Variants in HNRNPH1 observed in about 807,000 individuals in gnomAD.
HNRNPH1 encodes the protein heterogeneous nuclear ribonucleoprotein H1.
In HNRNPH1, 4 loss-of-function variants were observed where a neutral mutation model predicts 58.6. The observed-to-expected ratio is 0.07, with a 90% CI of 0.03 to 0.16. The LOEUF (loss-of-function observed/expected upper bound fraction) is 0.16, where lower values mean the gene tolerates loss of function less well. HNRNPH1 is among the 10% of genes least tolerant of loss of function. The probability of loss-of-function intolerance (pLI) is 1.00; values close to 1 mark genes in which losing one functional copy is unlikely to be tolerated. For synonymous variants in HNRNPH1, 192 were observed against 189.2 expected (o/e 1.01, Z -0.12); for missense variants, 271 against 564.2 (o/e 0.48, Z 5.26).
chr5:179,619,039 G>C lies in HNRNPH1; in HGVS notation c.536+230C>G. On this transcript the variant is annotated intron_variant, in intron 4 of 12. Transcript: ENST00000356731. ...ATAGTCTCTCAACTCTATTGATTGG[G>C]GTTAATAAGACTCACAAAATTGTCA... The C allele has an allele frequency of 8.1e-6, 3 of 369,886 alleles. No individual in the cohort carries two copies. In the East Asian group the frequency reaches 1.4e-4, roughly 18 times the overall value. The allele number at this position is 369,886 out of a possible 1,614,324, so 22.9% of individuals were successfully genotyped here. A position where few individuals can be genotyped will look rare whatever the true frequency, so the allele number is the denominator to read the frequency against.
Position 179,633,105 on chromosome 5 carries a change from C to T in HNRNPH1, c.-32+960G>A, listed in dbSNP as rs892644675. On this transcript the variant is annotated intron_variant, in intron 2 of 4. Coordinates refer to the HNRNPH1 transcript ENST00000521116. ...ATCTCTTGACCTCGTGATCCACCTG[C>T]CTCAGCCTCCCAAAGTGCTGGGATT... 2.0e-5 allele frequency among the ~76,000 whole-genome samples: 3 copies of T among 152,030 alleles called. No homozygotes were observed. The South Asian group carries it at 6.2e-4, about 32-fold the overall frequency.
chr5:179,614,419 A>G (rs894388579), exon 13 of HNRNPH1: 2 of 153,344 alleles, frequency 1.3e-5, no homozygotes, highest in Non-Finnish European at 2.9e-5. Context: ...AAACATGCCA[A>G]AATGTTTCAC....
intron 3 of HNRNPH1, 100 bp from the exon 5 acceptor site, chr5:179,619,507 ACTTTAGGTGAATGGTATG>A: frequency 9.7e-7 from 1 of 1,032,908 alleles, no homozygotes; most frequent in Non-Finnish European, 1.4e-6. Flanking sequence ...AGAATTTTTA[ACTTTAGGTGAATGGTATG>A]CTTTCAACAA....
At chr5:179,616,841 G>T in intron 10 of HNRNPH1, 28 bp downstream of exon 11, 2 of 1,568,352 alleles carry the variant, frequency 1.3e-6, no homozygotes, top group Non-Finnish European at 1.8e-6. Context: ...TAAACGTTTT[G>T]GTTTTTAAAA....
intron 8 of HNRNPH1, 101 bp from the exon 10 acceptor site, chr5:179,617,211 A>G: frequency 1.7e-6 from 2 of 1,160,840 alleles, no homozygotes; most frequent in South Asian, 2.7e-5. Context: ...TGAACTTCAA[A>G]TACTTTGGCA....
At chr5:179,618,399 T>A in intron 4 of HNRNPH1, 76 bp from the exon 6 acceptor site, 2 of 1,019,514 alleles carry the variant, frequency 2.0e-6, no homozygotes, top group South Asian at 3.3e-5. Context: ...TATTTAGTTA[T>A]ACAAGAAAAC....
At chr5:179,625,242 T>C (rs1187238546), upstream of HNRNPH1, among the ~76,000 whole-genome samples, 2 of 152,140 alleles carry the variant, frequency 1.3e-5, no homozygotes, top group East Asian at 3.8e-4. Context: ...ACTCGTGTAA[T>C]ACCAGCATTT....
rs781758828 is a variant in HNRNPH1, at chr5:179,618,356, G to A, written c.537-33C>T. 2.7e-6 allele frequency: 4 copies of A among 1,495,850 alleles called. No homozygotes were observed. In the South Asian group the frequency reaches 4.8e-5, roughly 18 times the overall value. 92.7% of individuals were successfully genotyped at this position (1,495,850 alleles called of 1,614,324 possible). A position where few individuals can be genotyped will look rare whatever the true frequency, so the allele number is the denominator to read the frequency against. On this transcript the variant is annotated intron_variant, in intron 4 of 12. Transcript: ENST00000356731. ...ATTGTTCATAAGGAAGGGGTAGGGA[G>A]GGGAGAGAAAACATTAGTTCATTTT... is the stretch of plus-strand genomic sequence containing the variant.
At chr5:179,616,529 A>G in intron 10 of HNRNPH1, 1 of 513,868 alleles carries the variant, frequency 1.9e-6, no homozygotes, top group South Asian at 2.4e-5. Context: ...GTTCCCCCTC[A>G]GTTTGATACA....
At chr5:179,618,820 C>G (rs1363912994) in intron 4 of HNRNPH1, 4 of 157,914 alleles carry the variant, frequency 2.5e-5, no homozygotes, top group South Asian at 3.9e-4. Context: ...AGAATAAAAC[C>G]TTTTGTGACA....
At chr5:179,623,412 G>A (rs1773724538) in exon 1 of HNRNPH1, 1 of 254,624 alleles carries the variant, frequency 3.9e-6, no homozygotes, top group South Asian at 4.5e-5. Context: ...GGCGGCGGCC[G>A]CTTCCGCTCC....
chr5:179,616,383 C>A, intron 10 of HNRNPH1, 165 bp from the exon 12 acceptor site: 2 of 627,882 alleles, frequency 3.2e-6, no homozygotes, highest in South Asian at 3.7e-5. Flanking sequence ...CCCTTCTATC[C>A]ATCATTTGAG....
chr5:179,629,441 ACATGCCACCATGCCAGGCT>A, upstream of HNRNPH1: 1 of 149,946 alleles, frequency 6.7e-6, no homozygotes, highest in Non-Finnish European at 1.5e-5. Context: ...GACTATAGGC[ACATGCCACCATGCCAGGCT>A]AATTTTTGTA....
chr5:179,622,058 A>G (rs758792876), intron 1 of HNRNPH1: 10 of 451,428 alleles, frequency 2.2e-5, no homozygotes, highest in African/African-American at 4.0e-5. Context: ...TAATCAGTCT[A>G]ATTTCTTTTT....
rs139183576 is a variant in HNRNPH1 at position 179,630,800 on chromosome 5, A to G, written c.-32+3265T>C. Among the ~76,000 whole-genome samples the G allele has an allele frequency of 5.6e-3, 853 of 151,942 alleles. 14 individuals carry two copies. Among genetic ancestry groups the G allele is most frequent in the African/African-American group, 0.019 (806 of 41,426 alleles). ...GTGACGGGCGCCTGTAGTCCCAGCT[A>G]CTCAGGAGGCTGAGGCAGGAGAATG... On this transcript the variant is annotated intron_variant, in intron 2 of 4. Coordinates refer to the HNRNPH1 transcript ENST00000521116.
At chr5:179,633,904 C>G (rs1299698301) in intron 2 of HNRNPH1, 2 of 103,314 alleles carry the variant, frequency 1.9e-5, no homozygotes, top group Non-Finnish European at 4.2e-5. Context: ...GGTGATAGAG[C>G]GAGACTCCGT....
exon 1 of HNRNPH1, chr5:179,624,399 G>A (rs1450790091): frequency 5.0e-6 from 2 of 397,010 alleles, no homozygotes; most frequent in South Asian, 1.4e-4. Context: ...TTTGCCTAAC[G>A]AATTCGCACC....
exon 1 of HNRNPH1, chr5:179,623,308 G>A (rs1460581736): frequency 6.4e-6 from 3 of 469,100 alleles, no homozygotes; most frequent in South Asian, 2.0e-5. Flanking sequence ...CTCCTCGTCC[G>A]GCGACCGGAC....
intron 3 of HNRNPH1, 78 bp downstream of exon 4, chr5:179,620,814 T>C (rs1771984870): frequency 7.7e-7 from 1 of 1,301,494 alleles, no homozygotes; most frequent in Non-Finnish European, 1.1e-6. Flanking sequence ...CCTAAGCTAC[T>C]CAACTTTAAC....
Sources: allele counts gnomAD v4.1 joint callset (sites outside exome capture counted in the v4.1 genomes callset), GRCh38; gene constraint gnomAD v4.1.1; transcripts MANE v1.5; gene names NCBI Gene and HGNC (gene_info 2026-07-23, HGNC 2026-07-21).